LYPLAL1: variants seen among roughly 807,000 people sequenced by gnomAD.
LYPLAL1 encodes the protein lysophospholipase-like protein 1.
LYPLAL1 carries 23 observed loss-of-function variants against 19.7 expected under a neutral mutation model. The ratio of observed to expected loss-of-function variants is 1.17; its 90% CI spans 0.84 to 1.65. LYPLAL1 has a LOEUF of 1.65. Among genes scored for constraint, LYPLAL1 ranks in the 40% most tolerant of loss-of-function variants. The probability of loss-of-function intolerance (pLI) is 0.00; values close to 1 mark genes in which losing one functional copy is unlikely to be tolerated. For missense variants in LYPLAL1, 355 were observed against 279.4 expected (o/e 1.27, Z -1.93); for synonymous variants, 119 against 96.3 (o/e 1.24, Z -1.38).
At chr1:219,394,882 A>C in the LYPLAL1 span, among the ~76,000 whole-genome samples, 1 of 152,166 alleles carries the variant, frequency 6.6e-6, no homozygotes, top group African/African-American at 2.4e-5. Context: ...AACATGTGGT[A>C]TTCGACTTTC....
At chr1:219,238,182 G>T in the LYPLAL1 span, among the ~76,000 whole-genome samples, 1 of 136,264 alleles carries the variant, frequency 7.3e-6, no homozygotes, top group African/African-American at 2.7e-5. Context: ...GGATCGCCCC[G>T]GCTGGAGTGC....
At chr1:219,370,378 T>C in the LYPLAL1 span, among the ~76,000 whole-genome samples, 1 of 152,196 alleles carries the variant, frequency 6.6e-6, no homozygotes, top group Non-Finnish European at 1.5e-5. Flanking sequence ...ACCTTCCTCT[T>C]TATCCCCTTT....
chr1:219,303,571 G>A, the LYPLAL1 span, among the ~76,000 whole-genome samples: 2 of 152,230 alleles, frequency 1.3e-5, no homozygotes, highest in African/African-American at 4.8e-5. Flanking sequence ...CATAGAACAT[G>A]TGAGCTGTGA....
At chr1:219,258,960 A>G in the LYPLAL1 span, among the ~76,000 whole-genome samples, 1 of 152,126 alleles carries the variant, frequency 6.6e-6, no homozygotes, top group Non-Finnish European at 1.5e-5. Flanking sequence ...GGCTAAGGAC[A>G]TGAACAAACA....
the LYPLAL1 span, among the ~76,000 whole-genome samples, chr1:219,335,047 A>G: frequency 6.6e-6 from 1 of 151,952 alleles, no homozygotes; most frequent in African/African-American, 2.4e-5. Flanking sequence ...CCCACTTCTC[A>G]AAACATTTCC....
the LYPLAL1 span, chr1:219,273,525 A>G: frequency 2.0e-5 from 3 of 152,220 alleles, no homozygotes; most frequent in Non-Finnish European, 4.4e-5. Flanking sequence ...GGTGTGATAG[A>G]ATTAAATGGC....
intron 3 of LYPLAL1, chr1:219,193,580 A>G (rs528047688): frequency 2.2e-4 from 37 of 167,506 alleles, no homozygotes; most frequent in African/African-American, 8.1e-4. Context: ...TCTTATGAAT[A>G]TAAGTTTAAA....
chr1:219,368,289 C>T, the LYPLAL1 span, among the ~76,000 whole-genome samples: 1 of 152,182 alleles, frequency 6.6e-6, no homozygotes, highest in Non-Finnish European at 1.5e-5. Context: ...CCAAAAACCA[C>T]AACTACAAAC....
rs149160675 is a variant in LYPLAL1 at position 219,183,996 on chromosome 1, A to G, written c.191+4750A>G. On this transcript the variant is annotated intron_variant, in intron 2 of 4. Coordinates refer to ENST00000366928, the MANE Select transcript of LYPLAL1 (RefSeq NM_138794.5). ...AAATTGTTGTAATTATCACAGCTGT[A>G]TAGAAAATTTTGAAACCAAGTGGTG... is the stretch of plus-strand genomic sequence containing the variant. Among the ~76,000 whole-genome samples the G allele has an allele frequency of 2.8e-3, 431 of 152,038 alleles. 3 individuals carry two copies. The highest frequency in any genetic ancestry group is 3.9e-3 in the South Asian group (19 of 4,830).
chr1:219,356,067 T>C, the LYPLAL1 span, among the ~76,000 whole-genome samples: 1 of 152,142 alleles, frequency 6.6e-6, no homozygotes, highest in Non-Finnish European at 1.5e-5. Flanking sequence ...TTACCCCATA[T>C]GAAGTTAAAA....
the LYPLAL1 span, among the ~76,000 whole-genome samples, chr1:219,243,500 A>G: frequency 6.6e-6 from 1 of 152,168 alleles, no homozygotes; most frequent in Non-Finnish European, 1.5e-5. Context: ...TTTCCTTAGG[A>G]AAATTGTTGA....
intron 1 of LYPLAL1, 84 bp from the exon 2 acceptor site, chr1:219,179,062 TG>T: frequency 1.2e-6 from 1 of 834,194 alleles, no homozygotes; most frequent in Non-Finnish European, 1.9e-6. Context: ...TTCCATCCTC[TG>T]TGTGACATAA....
the LYPLAL1 span, among the ~76,000 whole-genome samples, chr1:219,340,798 G>C: frequency 6.6e-6 from 1 of 152,118 alleles, no homozygotes; most frequent in South Asian, 2.1e-4. Flanking sequence ...TTTATTACTA[G>C]TCTGAAAATT....
the LYPLAL1 span, among the ~76,000 whole-genome samples, chr1:219,439,200 T>A: frequency 6.6e-6 from 1 of 152,172 alleles, no homozygotes; most frequent in Non-Finnish European, 1.5e-5. Context: ...TCATAGGTAC[T>A]CTTCTGACTT....
chr1:219,280,727 T>C, the LYPLAL1 span, among the ~76,000 whole-genome samples: 7 of 152,252 alleles, frequency 4.6e-5, no homozygotes, highest in South Asian at 1.5e-3. Flanking sequence ...TTTAGGACCC[T>C]CTGCAAAAGG....
intron 1 of LYPLAL1, among the ~76,000 whole-genome samples, chr1:219,175,350 G>T (rs920814412): frequency 2.2e-4 from 33 of 152,260 alleles, no homozygotes; most frequent in African/African-American, 7.9e-4. Flanking sequence ...TGTGTAAGAT[G>T]ACAGCGGTAC....
At chr1:219,387,173 C>A in the LYPLAL1 span, among the ~76,000 whole-genome samples, 5 of 152,244 alleles carry the variant, frequency 3.3e-5, no homozygotes, top group African/African-American at 1.2e-4. Context: ...TCTTTCCTGC[C>A]TTGGGGTCTT....
intron 2 of LYPLAL1, 58 bp from the exon 3 acceptor site, chr1:219,193,024 C>A: frequency 6.8e-7 from 1 of 1,467,942 alleles, no homozygotes; most frequent in South Asian, 1.4e-5. Context: ...ATTAAAGCAT[C>A]CATTTTCATA....
the LYPLAL1 span, among the ~76,000 whole-genome samples, chr1:219,392,167 G>T: frequency 6.6e-6 from 1 of 152,144 alleles, no homozygotes; most frequent in East Asian, 1.9e-4. Flanking sequence ...TCTCAGGTCA[G>T]AGGTGCTGCT....
Sources: gnomAD v4.1 joint callset for allele counts (sites outside exome capture counted in the v4.1 genomes callset) on GRCh38, gnomAD v4.1.1 for gene constraint, MANE v1.5 for transcripts, NCBI Gene and HGNC (gene_info 2026-07-23, HGNC 2026-07-21) for gene names.